The following MMP26 variants were observed in gnomAD, a reference collection of about 807,000 sequenced individuals.
MMP26 encodes matrix metalloproteinase-26.
A neutral mutation model predicts 31.0 loss-of-function variants in MMP26; 33 were observed. The ratio of observed to expected loss-of-function variants is 1.06; its 90% CI spans 0.81 to 1.42. The LOEUF (loss-of-function observed/expected upper bound fraction) is 1.42, where lower values mean the gene tolerates loss of function less well. Among genes scored for constraint, MMP26 ranks in the 40% most tolerant of loss-of-function variants. MMP26 has a pLI of 0.00. For missense variants in MMP26, 347 were observed against 316.1 expected (o/e 1.10, Z -0.74); for synonymous variants, 122 against 114.9 (o/e 1.06, Z -0.40).
intron 2 of MMP26, among the ~76,000 whole-genome samples, chr11:4,825,282 T>C (rs1431437256): frequency 6.6e-6 from 1 of 152,196 alleles, no homozygotes; most frequent in African/African-American, 2.4e-5. Context: ...GAGGATCTCA[T>C]CATTTTCCCA....
intron 1 of MMP26, chr11:4,719,696 C>T (rs1847985315): frequency 6.6e-6 from 1 of 152,186 alleles, no homozygotes; most frequent in East Asian, 1.9e-4. Flanking sequence ...AGTAAGAAGA[C>T]TGTGAACTCA....
At chr11:4,853,441 A>T (rs1260187031) in intron 2 of MMP26, among the ~76,000 whole-genome samples, 1 of 152,248 alleles carries the variant, frequency 6.6e-6, no homozygotes, top group Non-Finnish European at 1.5e-5. Flanking sequence ...TGACATAATT[A>T]AAGATTAAAA....
intron 2 of MMP26, among the ~76,000 whole-genome samples, chr11:4,984,453 T>C (rs1395115355): frequency 6.6e-6 from 1 of 152,238 alleles, no homozygotes; most frequent in African/African-American, 2.4e-5. Context: ...ATCTGAATTA[T>C]ATGCTCGTAT....
chr11:4,921,923 C>T (rs541283169), intron 2 of MMP26, among the ~76,000 whole-genome samples: 1 of 152,274 alleles, frequency 6.6e-6, no homozygotes, highest in South Asian at 2.1e-4. Flanking sequence ...GTGGTGAAGT[C>T]TGGCCTTTTA....
In MMP26 at chr11:4,887,323, G is replaced by A. The variant is rs530285230; in HGVS notation, c.-144-100745G>A. On this transcript the variant is annotated intron_variant, in intron 2 of 7. Transcript: ENST00000380390. ...AATCACAAAAGAAATGTTACTGGAA[G>A]TTTAATTACAAATACATTAAACCTG... Among the ~76,000 whole-genome samples the A allele has an allele frequency of 4.7e-4, 71 of 152,104 alleles. 1 individual carries two copies. The highest frequency in any genetic ancestry group is 1.0e-3 in the South Asian group (5 of 4,820).
At chr11:4,954,454 TG>T (rs1846407538) in intron 2 of MMP26, among the ~76,000 whole-genome samples, 1 of 123,046 alleles carries the variant, frequency 8.1e-6, no homozygotes, top group Non-Finnish European at 1.8e-5. Flanking sequence ...AGAGACTGAA[TG>T]TAGATAACGA....
At chr11:4,859,529 A>G (rs1436970351) in intron 2 of MMP26, 1 of 361,636 alleles carries the variant, frequency 2.8e-6, no homozygotes, top group African/African-American at 2.1e-5. Flanking sequence ...GCAAAATTTG[A>G]TGCACCATAA....
chr11:4,924,254 A>G (rs533260066), intron 2 of MMP26: 1 of 1,614,172 alleles, frequency 6.2e-7, no homozygotes, highest in East Asian at 2.2e-5. Context: ...GGGAATAGAG[A>G]TCCAGCCATG....
chr11:4,948,699 T>TTC (rs1564813025), intron 2 of MMP26, among the ~76,000 whole-genome samples: 2 of 122,490 alleles, frequency 1.6e-5, no homozygotes, highest in Non-Finnish European at 3.7e-5. Flanking sequence ...TATACTCACC[T>TTC]CTATTAGTAA....
intron 1 of MMP26, among the ~76,000 whole-genome samples, chr11:4,714,883 A>G (rs1028717335): frequency 2.7e-5 from 4 of 150,618 alleles, no homozygotes; most frequent in Non-Finnish European, 5.9e-5. Context: ...AGAGTCTTCC[A>G]TCAGTAAAAC....
intron 2 of MMP26, among the ~76,000 whole-genome samples, chr11:4,783,995 T>G (rs1298273785): frequency 6.6e-6 from 1 of 152,166 alleles, no homozygotes; most frequent in East Asian, 1.9e-4. Context: ...AATGTGAAAA[T>G]GGACTAATAC....
intron 2 of MMP26, among the ~76,000 whole-genome samples, chr11:4,982,086 A>T (rs1432066866): frequency 1.3e-5 from 2 of 151,738 alleles, no homozygotes; most frequent in African/African-American, 4.8e-5. Context: ...ATATACACAC[A>T]ATATACATAC....
intron 2 of MMP26, among the ~76,000 whole-genome samples, chr11:4,862,189 A>G (rs1850170963): frequency 6.6e-6 from 1 of 152,156 alleles, no homozygotes; most frequent in African/African-American, 2.4e-5. Flanking sequence ...AGGTTTCCAC[A>G]TATGCTGTTT....
At chr11:4,775,852 A>G (rs1848785202) in intron 2 of MMP26, among the ~76,000 whole-genome samples, 1 of 152,108 alleles carries the variant, frequency 6.6e-6, no homozygotes, top group African/African-American at 2.4e-5. Context: ...ACATGCATAT[A>G]TTGTATAGTG....
chr11:4,761,668 T>G (rs1402549022), intron 1 of MMP26, among the ~76,000 whole-genome samples: 1 of 152,336 alleles, frequency 6.6e-6, no homozygotes, highest in Non-Finnish European at 1.5e-5. Context: ...TAGAGATGGA[T>G]AGTGCATTTA....
At chr11:4,721,690 T>C (rs1848015447) in intron 1 of MMP26, among the ~76,000 whole-genome samples, 1 of 152,234 alleles carries the variant, frequency 6.6e-6, no homozygotes, top group Non-Finnish European at 1.5e-5. Flanking sequence ...CACTGTCATC[T>C]TAATATCCAG....
chr11:4,804,240 A>C (rs1461765741), intron 2 of MMP26: 2 of 1,613,878 alleles, frequency 1.2e-6, no homozygotes, highest in Non-Finnish European at 1.7e-6. Flanking sequence ...CATGGAGGAG[A>C]GTGATATTTC....
At chr11:4,916,150 C>A (rs1272346869) in intron 2 of MMP26, among the ~76,000 whole-genome samples, 1 of 121,084 alleles carries the variant, frequency 8.3e-6, no homozygotes, top group Non-Finnish European at 1.8e-5. Flanking sequence ...AACCCAGTCT[C>A]TACTAAAAAA....
intron 2 of MMP26, among the ~76,000 whole-genome samples, chr11:4,799,871 C>A (rs1849158086): frequency 6.6e-6 from 1 of 152,184 alleles, no homozygotes. Context: ...CCTTAAAGCT[C>A]CAAAATAATC....
Sources: gnomAD v4.1 joint callset for allele counts (sites outside exome capture counted in the v4.1 genomes callset) on GRCh38, gnomAD v4.1.1 for gene constraint, MANE v1.5 for transcripts, NCBI Gene and HGNC (gene_info 2026-07-23, HGNC 2026-07-21) for gene names.